Variants in HPSE2 observed in about 807,000 individuals in gnomAD.
The protein encoded by HPSE2 is inactive heparanase-2.
A neutral mutation model predicts 60.5 loss-of-function variants in HPSE2; 38 were observed. The observed-to-expected ratio is 0.63, with a 90% CI of 0.48 to 0.82. The LOEUF is 0.82. Ranked by LOEUF, HPSE2 falls within the 40% of genes least tolerant of loss-of-function variation. The pLI is 0.00. For synonymous variants in HPSE2, 295 were observed against 293.2 expected (o/e 1.01, Z -0.06); for missense variants, 713 against 740.4 (o/e 0.96, Z 0.43).
intron 2 of HPSE2, among the ~76,000 whole-genome samples, chr10:99,168,152 T>C (rs1847162296): frequency 6.6e-6 from 1 of 151,076 alleles, no homozygotes; most frequent in Admixed American, 6.6e-5. Context: ...TTGAATTGCA[T>C]TGAATTTATA....
intron 3 of HPSE2, among the ~76,000 whole-genome samples, chr10:98,938,880 T>A: frequency 6.9e-6 from 1 of 144,310 alleles, no homozygotes. Flanking sequence ...GACTAACAGC[T>A]GATCTCTTGG....
intron 3 of HPSE2, among the ~76,000 whole-genome samples, chr10:99,049,604 G>T (rs957605617): frequency 6.6e-6 from 1 of 151,870 alleles, no homozygotes; most frequent in African/African-American, 2.4e-5. Context: ...GAGGGCAGTA[G>T]ACTGACATAT....
At chr10:99,315,135 C>T in the HPSE2 span, among the ~76,000 whole-genome samples, 2 of 152,186 alleles carry the variant, frequency 1.3e-5, no homozygotes, top group Non-Finnish European at 2.9e-5. Flanking sequence ...ATTAAATATG[C>T]TTTAATGTTA....
rs569732813 is a variant in HPSE2 at position 98,678,271 on chromosome 10, G to A, written c.1004+15629C>T. ...TCTTACATTTTTCCCCCATCCACAT[G>A]TCAGAGAAGAAGCTACTGAAGAAAG... On this transcript the variant is annotated intron_variant, in intron 6 of 11. Coordinates refer to ENST00000370552, the MANE Select transcript of HPSE2 (RefSeq NM_021828.5). Among the ~76,000 whole-genome samples the A allele has an allele frequency of 1.3e-3, 203 of 152,124 alleles. 6 individuals carry two copies. Among genetic ancestry groups the A allele is most frequent in the Non-Finnish European group, 4.4e-4 (30 of 68,032 alleles).
At chr10:98,744,734 C>A (rs976669611) in intron 3 of HPSE2, among the ~76,000 whole-genome samples, 3 of 152,120 alleles carry the variant, frequency 2.0e-5, no homozygotes, top group Non-Finnish European at 4.4e-5. Flanking sequence ...CAATATGGCA[C>A]TGCTAGGTCC....
At chr10:99,028,648 T>C (rs142869932) in intron 3 of HPSE2, among the ~76,000 whole-genome samples, 170 of 152,190 alleles carry the variant, frequency 1.1e-3, no homozygotes, top group African/African-American at 3.9e-3. Context: ...AAAATGTATA[T>C]AGAACCACAA....
chr10:98,459,622 G>A lies in HPSE2; in HGVS notation c.1731C>T (p.Gly577=), dbSNP rs1184768947. 1 of 1,614,130 alleles carries A rather than the reference G, an allele frequency of 6.2e-7. No individual in the cohort carries two copies. The highest frequency in any genetic ancestry group is 8.5e-7 in the Non-Finnish European group (1 of 1,180,002). Residue 577 remains glycine (G), a synonymous_variant, in exon 12 of 12, where the codon GGC becomes GGT. Coordinates refer to ENST00000370552, the MANE Select transcript of HPSE2 (RefSeq NM_021828.5). ...CATTGACATTCTTGACCACATAAAA[G>A]CCCATGGTGACTGGAGGGATGACCA... The part of the protein sequence containing the change: ...RTLVIPPVTM[G]FYVVKNVNAL...
At chr10:98,774,122 T>C (rs1950294724) in intron 3 of HPSE2, among the ~76,000 whole-genome samples, 1 of 152,118 alleles carries the variant, frequency 6.6e-6, no homozygotes. Context: ...TAAATATATA[T>C]ACTTAAAACA....
intron 3 of HPSE2, among the ~76,000 whole-genome samples, chr10:98,752,418 T>C (rs1411014373): frequency 6.6e-6 from 1 of 152,174 alleles, no homozygotes; most frequent in Admixed American, 6.6e-5. Context: ...TTAGACTATA[T>C]AGCAGAAAAT....
At chr10:99,306,370 G>A in the HPSE2 span, among the ~76,000 whole-genome samples, 5 of 152,098 alleles carry the variant, frequency 3.3e-5, no homozygotes, top group South Asian at 6.2e-4. Flanking sequence ...TTCAAACCAC[G>A]TAAGCCCTGG....
intron 3 of HPSE2, among the ~76,000 whole-genome samples, chr10:98,789,127 C>T (rs576282810): frequency 6.6e-6 from 1 of 152,298 alleles, no homozygotes; most frequent in East Asian, 1.9e-4. Flanking sequence ...TGGTTTGTTA[C>T]AGCCCGGTGA....
At chr10:98,507,262 G>A (rs974453664) in intron 9 of HPSE2, among the ~76,000 whole-genome samples, 1 of 152,108 alleles carries the variant, frequency 6.6e-6, no homozygotes, top group Non-Finnish European at 1.5e-5. Context: ...CAGGCCCTGA[G>A]TGTATTATTT....
intron 3 of HPSE2, among the ~76,000 whole-genome samples, chr10:99,112,959 A>T: frequency 9.2e-6 from 1 of 109,242 alleles, no homozygotes; most frequent in African/African-American, 2.5e-5. Flanking sequence ...ATACACACAC[A>T]CACATATACA....
At chr10:99,091,249 G>T (rs146236696) in intron 3 of HPSE2, among the ~76,000 whole-genome samples, 1 of 151,980 alleles carries the variant, frequency 6.6e-6, no homozygotes, top group South Asian at 2.1e-4. Flanking sequence ...CCTTCTTTTC[G>T]CACTCAAAGA....
At chr10:98,466,341 C>T (rs866001234) in intron 11 of HPSE2, among the ~76,000 whole-genome samples, 2 of 152,130 alleles carry the variant, frequency 1.3e-5, no homozygotes, top group East Asian at 1.9e-4. Flanking sequence ...TGGCCAGGTG[C>T]GGTGGCTCAC....
At chr10:98,876,119 C>T (rs1402237901) in intron 3 of HPSE2, among the ~76,000 whole-genome samples, 4 of 151,580 alleles carry the variant, frequency 2.6e-5, no homozygotes, top group Non-Finnish European at 4.4e-5. Flanking sequence ...TAGTATGAAG[C>T]ACTAGAAAAT....
intron 2 of HPSE2, among the ~76,000 whole-genome samples, chr10:99,152,275 C>T (rs1415082523): frequency 6.9e-6 from 1 of 145,802 alleles, no homozygotes; most frequent in African/African-American, 2.6e-5. Flanking sequence ...CACACCACTG[C>T]ACTTCGGCCT....
chr10:98,801,008 A>T (rs1950894778), intron 3 of HPSE2, among the ~76,000 whole-genome samples: 1 of 152,012 alleles, frequency 6.6e-6, no homozygotes, highest in Non-Finnish European at 1.5e-5. Context: ...TCAACAATAC[A>T]CTGATGACCA....
At position 99,226,966 on chromosome 10, in the gene HPSE2, GTAGA is replaced by G. The variant is rs367678835; in HGVS notation, c.448+5378_448+5381del. ...TGTCTAGCATGAAACTAAACAGAGA[GTAGA>G]TAATCAGTACATACTTATTAAATGT... On this transcript the variant is annotated intron_variant, in intron 2 of 11. Transcript: ENST00000370552. Among the ~76,000 whole-genome samples, 78 of 152,054 alleles carry G rather than the reference GTAGA, an allele frequency of 5.1e-4. 1 individual carries two copies. The South Asian group carries it at 0.016, about 31-fold the overall frequency.
Sources: gnomAD v4.1 joint callset for allele counts (sites outside exome capture counted in the v4.1 genomes callset) on GRCh38, gnomAD v4.1.1 for gene constraint, MANE v1.5 for transcripts, NCBI Gene and HGNC (gene_info 2026-07-23, HGNC 2026-07-21) for gene names.